TMEM181: variants seen among roughly 807,000 people sequenced by gnomAD.
TMEM181 encodes transmembrane protein 181.
In TMEM181, 39 loss-of-function variants were observed where a neutral mutation model predicts 71.9. The observed-to-expected ratio is 0.54, with a 90% CI of 0.42 to 0.71. The LOEUF (loss-of-function observed/expected upper bound fraction) is 0.71, where lower values mean the gene tolerates loss of function less well. Among genes scored for constraint, TMEM181 ranks in the 30% least tolerant of loss-of-function variants. The pLI is 0.00. For synonymous variants in TMEM181, 245 were observed against 228.8 expected, an observed-to-expected ratio of 1.07 and a Z score of -0.64; for missense variants, 595 against 583.0, an observed-to-expected ratio of 1.02 and a Z score of -0.21.
In TMEM181 at chr6:158,571,548, T is replaced by C. The variant is rs1027427902; in HGVS notation, c.9-1872T>C. Among the ~76,000 whole-genome samples, 12 of 151,326 alleles carry C rather than the reference T, an allele frequency of 7.9e-5. 1 individual carries two copies. In the East Asian group the frequency reaches 1.7e-3, roughly 22 times the overall value. ...CTCCTGACCTCGTGATCCGCCCGCC[T>C]TGGCCTCCCAAAGTGCTGGGATTAT... On this transcript the variant is annotated intron_variant, in intron 1 of 16. Coordinates refer to ENST00000684151, the MANE Select transcript of TMEM181 (RefSeq NM_001376852.1).
intron 1 of TMEM181, among the ~76,000 whole-genome samples, chr6:158,543,097 G>A (rs1048473472): frequency 6.6e-6 from 1 of 151,768 alleles, no homozygotes; most frequent in Admixed American, 6.6e-5. Flanking sequence ...GGATAGTTTC[G>A]ATCTCCTGAC....
intron 1 of TMEM181, among the ~76,000 whole-genome samples, chr6:158,570,700 T>C (rs745502326): frequency 1.3e-4 from 20 of 151,140 alleles, no homozygotes; most frequent in Middle Eastern, 3.2e-3. Flanking sequence ...GGGCAAGCCC[T>C]GTGGCTTCCC....
intron 8 of TMEM181, among the ~76,000 whole-genome samples, chr6:158,607,607 C>A (rs1785024083): frequency 6.6e-6 from 1 of 152,154 alleles, no homozygotes; most frequent in Admixed American, 6.5e-5. Context: ...GAGTCTGAGG[C>A]TGCAGTGAGT....
At chr6:158,547,977 C>T (rs925507759) in intron 1 of TMEM181, among the ~76,000 whole-genome samples, 2 of 151,874 alleles carry the variant, frequency 1.3e-5, no homozygotes, top group Admixed American at 6.6e-5. Context: ...CTGCCCCTTC[C>T]ACCCCACAGA....
chr6:158,625,097 C>T lies in TMEM181; in HGVS notation c.955-7C>T, dbSNP rs1385950040. ...TCCGACTCAAGTGCTGCCTTGTGTC[C>T]TCCTAGGGAATGAAGGTCTTCTTCA... On this transcript the variant is annotated splice_region_variant and splice_polypyrimidine_tract_variant and intron_variant, in intron 11 of 16. Coordinates refer to ENST00000684151, the MANE Select transcript of TMEM181 (RefSeq NM_001376852.1). 1.2e-6 allele frequency: 2 copies of T among 1,611,300 alleles called. No homozygotes were observed. Among genetic ancestry groups the T allele is most frequent in the South Asian group, 2.2e-5 (2 of 91,030 alleles).
chr6:158,599,562 A>G (rs756813113), intron 6 of TMEM181, among the ~76,000 whole-genome samples: 4 of 152,274 alleles, frequency 2.6e-5, no homozygotes, highest in Non-Finnish European at 4.4e-5. Context: ...GGGGTTTAAA[A>G]ATAAACACAG....
intron 16 of TMEM181, 31 bp from the exon 17 acceptor site, chr6:158,631,779 T>TA: frequency 6.4e-7 from 1 of 1,573,562 alleles, no homozygotes; most frequent in South Asian, 1.2e-5. Flanking sequence ...TGTCAGAAGT[T>TA]AGACGGTCTC....
intron 6 of TMEM181, among the ~76,000 whole-genome samples, 191 bp downstream of exon 6, chr6:158,589,973 T>C (rs1784014390): frequency 6.6e-6 from 1 of 152,170 alleles, no homozygotes; most frequent in South Asian, 2.1e-4. Flanking sequence ...TTAAATATCA[T>C]AGAGATTGGG....
chr6:158,563,498 A>T (rs1342026004), intron 1 of TMEM181, among the ~76,000 whole-genome samples: 1 of 152,158 alleles, frequency 6.6e-6, no homozygotes, highest in East Asian at 1.9e-4. Flanking sequence ...CCTGCAGTGG[A>T]TAGGTCCAGG....
chr6:158,559,008 CCTTGA>C (rs1782009407), upstream of TMEM181, among the ~76,000 whole-genome samples: 1 of 152,160 alleles, frequency 6.6e-6, no homozygotes, highest in Non-Finnish European at 1.5e-5. Context: ...TTTTGTTATT[CCTTGA>C]AGAGTTGCGG....
chr6:158,562,885 T>C (rs1782267848), intron 1 of TMEM181, among the ~76,000 whole-genome samples: 1 of 152,204 alleles, frequency 6.6e-6, no homozygotes, highest in Admixed American at 6.5e-5. Flanking sequence ...AGGAAGTTTC[T>C]CTTTTCCCCA....
intron 10 of TMEM181, among the ~76,000 whole-genome samples, chr6:158,619,473 C>T (rs567585211): frequency 9.2e-5 from 14 of 152,246 alleles, no homozygotes; most frequent in East Asian, 3.9e-4. Flanking sequence ...TGGTTATTAC[C>T]GATCTTCTGA....
At chr6:158,560,632 C>T (rs1782107639) in intron 1 of TMEM181, among the ~76,000 whole-genome samples, 1 of 152,182 alleles carries the variant, frequency 6.6e-6, no homozygotes, top group Non-Finnish European at 1.5e-5. Flanking sequence ...AAGGCCCCGC[C>T]CCGTCGTCCC....
chr6:158,546,123 T>G (rs1258090713), intron 1 of TMEM181, among the ~76,000 whole-genome samples: 2 of 152,208 alleles, frequency 1.3e-5, no homozygotes, highest in East Asian at 1.9e-4. Flanking sequence ...TGACAGAGAT[T>G]ACTTCCTATT....
intron 1 of TMEM181, among the ~76,000 whole-genome samples, chr6:158,537,441 C>T (rs1781164713): frequency 6.6e-6 from 1 of 152,198 alleles, no homozygotes; most frequent in African/African-American, 2.4e-5. Context: ...CTGGGAGCGG[C>T]TGTGTGGAAC....
At chr6:158,584,846 G>A (rs890250941) in intron 4 of TMEM181, among the ~76,000 whole-genome samples, 13 of 152,100 alleles carry the variant, frequency 8.5e-5, no homozygotes, top group Admixed American at 8.5e-4. Context: ...TATGAATTAC[G>A]ATTATCTCTA....
intron 10 of TMEM181, among the ~76,000 whole-genome samples, chr6:158,614,643 C>G (rs1050710371): frequency 2.0e-5 from 3 of 152,282 alleles, no homozygotes; most frequent in East Asian, 1.9e-4. Flanking sequence ...AACCTCCCCC[C>G]ACCCTACGAC....
chr6:158,616,528 A>G (rs1785623133), intron 10 of TMEM181, among the ~76,000 whole-genome samples: 1 of 152,188 alleles, frequency 6.6e-6, no homozygotes, highest in Admixed American at 6.5e-5. Flanking sequence ...TATGTTGAAT[A>G]GGAGTGGTGA....
At chr6:158,581,109 C>G in intron 3 of TMEM181, 114 bp downstream of exon 3, 2 of 977,492 alleles carry the variant, frequency 2.0e-6, no homozygotes, top group Non-Finnish European at 1.5e-6. Flanking sequence ...CTTGCGGCTT[C>G]TCAGGCAACA....
Sources: gnomAD v4.1 joint callset for allele counts (sites outside exome capture counted in the v4.1 genomes callset) on GRCh38, gnomAD v4.1.1 for gene constraint, MANE v1.5 for transcripts, NCBI Gene and HGNC (gene_info 2026-07-23, HGNC 2026-07-21) for gene names.